The following DCC variants were observed in gnomAD, a reference collection of about 807,000 sequenced individuals.
DCC encodes the protein netrin receptor DCC.
DCC carries 58 observed loss-of-function variants against 172.5 expected under a neutral mutation model. That is an observed-to-expected ratio of 0.34 (90% CI 0.27 to 0.42). DCC has a LOEUF of 0.42. DCC is among the 10% of genes least tolerant of loss of function. The pLI is 1.00. For missense variants in DCC, 1,740 were observed against 1,791.0 expected (o/e 0.97, Z 0.51); for synonymous variants, 709 against 644.5 (o/e 1.10, Z -1.52).
At chr18:52,687,296 T>C (rs1295877649) in intron 1 of DCC, among the ~76,000 whole-genome samples, 2 of 150,672 alleles carry the variant, frequency 1.3e-5, no homozygotes, top group African/African-American at 4.9e-5. Flanking sequence ...TTTTTTTTTT[T>C]TTTTTGAGAG....
intron 1 of DCC, among the ~76,000 whole-genome samples, chr18:52,416,175 G>A (rs549468156): frequency 6.6e-5 from 10 of 152,272 alleles, no homozygotes; most frequent in Admixed American, 2.6e-4. Context: ...CCATGTAGTT[G>A]AGCAGTTTTG....
intron 22 of DCC, among the ~76,000 whole-genome samples, chr18:53,446,564 G>A (rs1912624148): frequency 6.6e-6 from 1 of 152,116 alleles, no homozygotes; most frequent in African/African-American, 2.4e-5. Flanking sequence ...CTAATTTGTA[G>A]CAGTCTTTTG....
At chr18:52,842,040 CTA>C (rs2038816106) in intron 2 of DCC, among the ~76,000 whole-genome samples, 1 of 151,524 alleles carries the variant, frequency 6.6e-6, no homozygotes, top group African/African-American at 2.4e-5. Flanking sequence ...ATCAATGAAA[CTA>C]TTTTAATGAC....
At chr18:52,450,261 T>C (rs918969198) in intron 1 of DCC, among the ~76,000 whole-genome samples, 1 of 152,226 alleles carries the variant, frequency 6.6e-6, no homozygotes, top group African/African-American at 2.4e-5. Flanking sequence ...CTTATATGAA[T>C]GGAAGAGGCT....
chr18:53,211,558 C>T lies in DCC; in HGVS notation c.1861+3741C>T, dbSNP rs2055752811. 1.3e-5 allele frequency among the ~76,000 whole-genome samples: 2 copies of T among 152,064 alleles called. 1 individual carries two copies. Among genetic ancestry groups the T allele is most frequent in the South Asian group, 4.1e-4 (2 of 4,830 alleles). ...CTAACATGGTGAAACCCACTCTCTA[C>T]TAAAAATACCAAAGAATTAGCTGGG... On this transcript the variant is annotated intron_variant, in intron 11 of 28. Transcript: ENST00000442544.
chr18:52,971,885 C>T (rs1001905535), intron 5 of DCC, among the ~76,000 whole-genome samples: 2 of 152,228 alleles, frequency 1.3e-5, no homozygotes, highest in Non-Finnish European at 2.9e-5. Flanking sequence ...ATGTAGTCTC[C>T]ATACACAACA....
rs1187710231 is a variant in DCC, at chr18:53,526,729, G to C, written c.4224G>C (p.Glu1408Asp). The C allele has an allele frequency of 6.2e-7, 1 of 1,613,324 alleles. No homozygotes were observed. Among genetic ancestry groups the C allele is most frequent in the Non-Finnish European group, 8.5e-7 (1 of 1,179,656 alleles). Residue 1408 changes from glutamate to aspartate, a missense_variant, in exon 28 of 29, where the codon GAG becomes GAC. Physicochemically the swap from Glu to Asp is conservative, Grantham distance 45 (BLOSUM62 2). Around this residue, in one of 2 missense-constraint regions of DCC, gnomAD observed 1,732 missense variants for 1,767.4 expected, o/e 0.98. Transcript: ENST00000442544. ...CAACAGCCCCTGAAGTGTCTGAGGA[G>C]AGCCACAAACCAACAGAGGATTCAG... is the stretch of plus-strand genomic sequence containing the variant. ...SVPTAPEVSE[E>D]SHKPTEDSAN...
At chr18:53,219,702 C>T (rs2055902242) in intron 12 of DCC, among the ~76,000 whole-genome samples, 1 of 152,114 alleles carries the variant, frequency 6.6e-6, no homozygotes, top group Non-Finnish European at 1.5e-5. Context: ...GAAAAAGTTT[C>T]TAGTGCCTTC....
chr18:53,474,569 G>T (rs2045738777), intron 25 of DCC, among the ~76,000 whole-genome samples: 1 of 152,124 alleles, frequency 6.6e-6, no homozygotes, highest in Non-Finnish European at 1.5e-5. Flanking sequence ...TTAAAAATGG[G>T]AGTCTCCCTG....
chr18:53,243,320 A>C (rs951592745), intron 12 of DCC, among the ~76,000 whole-genome samples: 3 of 152,142 alleles, frequency 2.0e-5, no homozygotes, highest in African/African-American at 4.8e-5. Flanking sequence ...TTCAAAAGTG[A>C]CCATTGAGAA....
chr18:53,307,976 T>A (rs1031402525), intron 13 of DCC, among the ~76,000 whole-genome samples: 2 of 146,384 alleles, frequency 1.4e-5, no homozygotes, highest in African/African-American at 5.0e-5. Context: ...TATATACATG[T>A]GTATGTGGAT....
intron 1 of DCC, among the ~76,000 whole-genome samples, chr18:52,567,026 C>T (rs2033176939): frequency 6.6e-6 from 1 of 152,120 alleles, no homozygotes; most frequent in Admixed American, 6.6e-5. Context: ...ATATCGTTAA[C>T]TTTTATAAAA....
chr18:53,192,154 T>A (rs182448882), intron 9 of DCC, among the ~76,000 whole-genome samples: 6 of 152,314 alleles, frequency 3.9e-5, no homozygotes. Context: ...TTCTGCCCTG[T>A]GTGATTATCA....
At chr18:53,385,195 A>C (rs1388040140) in intron 15 of DCC, among the ~76,000 whole-genome samples, 3 of 152,148 alleles carry the variant, frequency 2.0e-5, no homozygotes, top group African/African-American at 7.2e-5. Flanking sequence ...TTCAATAGAC[A>C]GGGTTCAGCA....
chr18:53,346,795 A>T (rs2057731081), intron 15 of DCC, among the ~76,000 whole-genome samples: 1 of 152,158 alleles, frequency 6.6e-6, no homozygotes, highest in Non-Finnish European at 1.5e-5. Context: ...TTTTCACTTG[A>T]GAATGGACTA....
intron 7 of DCC, among the ~76,000 whole-genome samples, chr18:53,113,783 C>T (rs930119507): frequency 5.3e-5 from 8 of 151,100 alleles, no homozygotes; most frequent in Admixed American, 3.3e-4. Context: ...AGGTGTTAAA[C>T]GGACTCAATC....
At chr18:52,568,880 TAC>T (rs2033227511) in intron 1 of DCC, among the ~76,000 whole-genome samples, 2 of 152,208 alleles carry the variant, frequency 1.3e-5, no homozygotes, top group South Asian at 4.1e-4. Context: ...TCCAATTTAT[TAC>T]AGTTTTTAAA....
intron 1 of DCC, among the ~76,000 whole-genome samples, chr18:52,645,786 A>C (rs555944962): frequency 6.6e-6 from 1 of 152,350 alleles, no homozygotes; most frequent in African/African-American, 2.4e-5. Flanking sequence ...CTAACAAGGA[A>C]AACTTACCTA....
At chr18:52,350,997 A>G (rs1162343580) in intron 1 of DCC, among the ~76,000 whole-genome samples, 6 of 152,222 alleles carry the variant, frequency 3.9e-5, no homozygotes, top group Admixed American at 3.9e-4. Context: ...TATGTTAACA[A>G]ACCCACAATT....
Sources: allele counts gnomAD v4.1 joint callset (sites outside exome capture counted in the v4.1 genomes callset), GRCh38; gene constraint gnomAD v4.1.1; regional missense constraint gnomAD v4.1.1; transcripts MANE v1.5; gene names NCBI Gene and HGNC (gene_info 2026-07-23, HGNC 2026-07-21).